SLX4IP: variants seen among roughly 807,000 people sequenced by gnomAD.
The protein encoded by SLX4IP is SLX4 interacting protein, also known as protein SLX4IP.
Under a neutral mutation model 32.9 loss-of-function variants are expected in SLX4IP, and 34 were observed. The observed-to-expected ratio is 1.03, with a 90% CI of 0.79 to 1.38. SLX4IP has a LOEUF of 1.38. Ranked by LOEUF, SLX4IP falls within the 40% of genes most tolerant of loss-of-function variation. The pLI is 0.00. For synonymous variants in SLX4IP, 172 were observed against 171.7 expected (o/e 1.00, Z -0.01); for missense variants, 444 against 479.0 (o/e 0.93, Z 0.68).
chr20:10,540,032 G>A (rs912489572), intron 2 of SLX4IP, among the ~76,000 whole-genome samples: 1 of 152,076 alleles, frequency 6.6e-6, no homozygotes, highest in African/African-American at 2.4e-5. Flanking sequence ...CCATGGGGCT[G>A]AGCTTTAGCA....
chr20:10,605,599 T>C (rs2066896964), intron 6 of SLX4IP, among the ~76,000 whole-genome samples: 1 of 152,182 alleles, frequency 6.6e-6, no homozygotes, highest in Admixed American at 6.5e-5. Context: ...TGTGATCCTT[T>C]TGGAAATTAA....
chr20:10,476,543 A>T (rs1334458189), intron 2 of SLX4IP, among the ~76,000 whole-genome samples: 1 of 152,230 alleles, frequency 6.6e-6, no homozygotes, highest in Admixed American at 6.5e-5. Flanking sequence ...GGATGGAATC[A>T]GATGTTGCTG....
intron 2 of SLX4IP, among the ~76,000 whole-genome samples, chr20:10,538,692 A>AT (rs1377858630): frequency 6.6e-6 from 1 of 151,932 alleles, no homozygotes; most frequent in Non-Finnish European, 1.5e-5. Flanking sequence ...TGCCCTGCTA[A>AT]TTTTTTGTAT....
At chr20:10,474,083 A>G (rs988463953) in intron 2 of SLX4IP, among the ~76,000 whole-genome samples, 8 of 152,114 alleles carry the variant, frequency 5.3e-5, no homozygotes, top group Admixed American at 5.2e-4. Flanking sequence ...TCAGCATTCC[A>G]AAGTGCTGGG....
intron 2 of SLX4IP, among the ~76,000 whole-genome samples, chr20:10,543,619 G>A (rs1231747062): frequency 2.0e-5 from 3 of 152,154 alleles, no homozygotes. Context: ...GGAGGAGAAC[G>A]AGCAAAGCTG....
chr20:10,539,810 C>A (rs621238), intron 2 of SLX4IP, among the ~76,000 whole-genome samples: 85,359 of 151,856 alleles, frequency 0.56, 24,833 homozygotes, highest in South Asian at 0.72. Flanking sequence ...AGGCCCCACC[C>A]CGAGAGTCTG....
chr20:10,571,944 C>A (rs1431191450), intron 4 of SLX4IP, among the ~76,000 whole-genome samples: 1 of 152,170 alleles, frequency 6.6e-6, no homozygotes, highest in Non-Finnish European at 1.5e-5. Context: ...GCTGCAACAT[C>A]TTCTGACTCC....
In SLX4IP at chr20:10,623,361, A is replaced by G; in HGVS notation, c.1209A>G (p.Lys403=). The part of the protein sequence containing the change: ...IQNSPTKKRK[K]YERGH ...ACAGCCCAACCAAGAAAAGAAAGAA[A>G]TACGAAAGAGGCCATTAACACCGAA... Residue 403 remains lysine (K), a synonymous_variant, in exon 8 of 8, where the codon AAA becomes AAG. Transcript: ENST00000334534. The G allele has an allele frequency of 1.2e-6, 2 of 1,611,198 alleles. No homozygotes were observed.
chr20:10,577,203 T>G (rs1238890610), intron 4 of SLX4IP, among the ~76,000 whole-genome samples: 2 of 152,194 alleles, frequency 1.3e-5, no homozygotes, highest in Non-Finnish European at 2.9e-5. Flanking sequence ...ATTTTTGTAT[T>G]GTTTAAGTTT....
Position 10,594,663 on chromosome 20 carries a change from C to G in SLX4IP, c.239-4012C>G, listed in dbSNP as rs540865138. Among the ~76,000 whole-genome samples, 68 of 152,326 alleles carry G rather than the reference C, an allele frequency of 4.5e-4. 3 individuals are homozygous for G. In the South Asian group the frequency reaches 0.013, roughly 29 times the overall value. ...AATGACCACTCCCTTAAAACCATTACTCATTGGAACATGGTACTACTTGAA... is the reference window on the plus strand; with the variant it reads ...AATGACCACTCCCTTAAAACCATTAGTCATTGGAACATGGTACTACTTGAA... On this transcript the variant is annotated intron_variant, in intron 4 of 7. Transcript: ENST00000334534.
At position 10,623,092 on chromosome 20, in the gene SLX4IP, G is replaced by C; in HGVS notation, c.940G>C (p.Gly314Arg). Reference protein sequence around the residue: ...DFDHHGRVSLGSDRLVPREII... With the variant: ...DFDHHGRVSLRSDRLVPREII... ...CGACCACCACGGGAGAGTTTCTCTT[G>C]GAAGTGATCGATTAGTCCCGAGAGA... Residue 314 changes from glycine to arginine, a missense_variant, in exon 8 of 8, where the codon GGA becomes CGA. By Grantham distance (125) the Gly-to-Arg change is moderately radical. Coordinates refer to ENST00000334534, the MANE Select transcript of SLX4IP (RefSeq NM_001009608.3). 1.2e-6 allele frequency: 2 copies of C among 1,614,168 alleles called. No homozygotes were observed. Among genetic ancestry groups the C allele is most frequent in the Non-Finnish European group, 1.7e-6 (2 of 1,180,038 alleles).
At chr20:10,509,543 G>C (rs943837200) in intron 2 of SLX4IP, among the ~76,000 whole-genome samples, 29 of 152,158 alleles carry the variant, frequency 1.9e-4, no homozygotes, top group African/African-American at 6.3e-4. Context: ...ATATCGCCTT[G>C]ATACAGACCA....
At chr20:10,615,852 GTGGAAGGACAA>G (rs1303095840) in intron 6 of SLX4IP, among the ~76,000 whole-genome samples, 1 of 152,140 alleles carries the variant, frequency 6.6e-6, no homozygotes. Flanking sequence ...TCCCCACAAA[GTGGAAGGACAA>G]TAGGTCCAAC....
intron 1 of SLX4IP, among the ~76,000 whole-genome samples, chr20:10,448,825 T>G (rs1454883861): frequency 2.6e-5 from 4 of 152,198 alleles, no homozygotes; most frequent in African/African-American, 9.7e-5. Context: ...GGTATTTTTA[T>G]GAACATTAAT....
chr20:10,470,397 CAT>C (rs1470117945), intron 2 of SLX4IP, among the ~76,000 whole-genome samples: 2 of 152,108 alleles, frequency 1.3e-5, no homozygotes, highest in African/African-American at 4.8e-5. Context: ...TGTAACGATG[CAT>C]AGTGTTTGCT....
rs1397814041 is a variant in SLX4IP, at chr20:10,601,835, T to A, written c.405+16T>A. 2 of 1,603,044 alleles carry A rather than the reference T, an allele frequency of 1.2e-6. No homozygotes were observed. The highest frequency in any genetic ancestry group is 2.7e-5 in the African/African-American group (2 of 74,802). On this transcript the variant is annotated intron_variant, in intron 6 of 7. Coordinates refer to ENST00000334534, the MANE Select transcript of SLX4IP (RefSeq NM_001009608.3). Reference sequence around the variant, plus strand: ...TGAAGATTTGGTGAGTATGAAAAAATTCTATAAACAAATAAGTCTGCTTAA... The same window carrying A: ...TGAAGATTTGGTGAGTATGAAAAAAATCTATAAACAAATAAGTCTGCTTAA...
chr20:10,460,376 A>G (rs1371358780), intron 2 of SLX4IP, among the ~76,000 whole-genome samples: 1 of 152,206 alleles, frequency 6.6e-6, no homozygotes, highest in East Asian at 1.9e-4. Flanking sequence ...CCTAGCATCA[A>G]TTGAGTAATT....
intron 2 of SLX4IP, among the ~76,000 whole-genome samples, chr20:10,543,563 G>A (rs1379538063): frequency 6.6e-6 from 1 of 152,200 alleles, no homozygotes; most frequent in African/African-American, 2.4e-5. Context: ...CCAAAGTGAT[G>A]GGACAAGCCA....
In SLX4IP at chr20:10,510,609, ATTT is replaced by A. The variant is rs33995753; in HGVS notation, c.28-45610_28-45608del. Among the ~76,000 whole-genome samples the A allele has an allele frequency of 3.4e-3, 481 of 142,110 alleles. 2 individuals are homozygous for A. Among genetic ancestry groups the A allele is most frequent in the African/African-American group, 0.012 (448 of 38,934 alleles). 93.2% of individuals were successfully genotyped at this position (142,110 alleles called of 152,430 possible). A position where few individuals can be genotyped will look rare whatever the true frequency, so the allele number is the denominator to read the frequency against. On this transcript the variant is annotated intron_variant, in intron 2 of 7. Coordinates refer to ENST00000334534, the MANE Select transcript of SLX4IP (RefSeq NM_001009608.3). ...TATTATTATTATTATTATTTTTATTATTTTTTTTTTTTTTGAGATGCAGTCTCG... is the reference window on the plus strand; with the variant it reads ...TATTATTATTATTATTATTTTTATTATTTTTTTTTTTGAGATGCAGTCTCG...
Sources: gnomAD v4.1 joint callset for allele counts (sites outside exome capture counted in the v4.1 genomes callset) on GRCh38, gnomAD v4.1.1 for gene constraint, MANE v1.5 for transcripts, NCBI Gene and HGNC (gene_info 2026-07-23, HGNC 2026-07-21) for gene names.